CSMD3: variants seen among roughly 807,000 people sequenced by gnomAD.
The protein encoded by CSMD3 is CUB and Sushi multiple domains 3.
In CSMD3, 177 loss-of-function variants were observed where a neutral mutation model predicts 435.2. The ratio of observed to expected loss-of-function variants is 0.41; its 90% CI spans 0.36 to 0.46. CSMD3 has a LOEUF of 0.46. CSMD3 is among the 20% of genes least tolerant of loss of function. The pLI is 0.34. For synonymous variants in CSMD3, 1,656 were observed against 1,520.5 expected (o/e 1.09, Z -2.07); for missense variants, 4,265 against 4,504.6 (o/e 0.95, Z 1.52).
At chr8:112,496,060 C>T (rs1050681615) in intron 30 of CSMD3, among the ~76,000 whole-genome samples, 2 of 151,986 alleles carry the variant, frequency 1.3e-5, no homozygotes, top group Non-Finnish European at 2.9e-5. Context: ...AGCTCCGCCT[C>T]TCCGGTTCAC....
intron 6 of CSMD3, among the ~76,000 whole-genome samples, chr8:112,978,882 CA>C (rs1454690839): frequency 6.6e-6 from 1 of 151,582 alleles, no homozygotes; most frequent in Non-Finnish European, 1.5e-5. Context: ...GAACATTCAT[CA>C]GAAGAAATAA....
At chr8:112,871,757 C>A (rs2081141844) in intron 10 of CSMD3, among the ~76,000 whole-genome samples, 1 of 151,984 alleles carries the variant, frequency 6.6e-6, no homozygotes. Flanking sequence ...TCAAACATAC[C>A]TTCTCTTCCT....
intron 17 of CSMD3, among the ~76,000 whole-genome samples, chr8:112,664,695 A>G (rs905597261): frequency 6.6e-6 from 1 of 152,150 alleles, no homozygotes; most frequent in Non-Finnish European, 1.5e-5. Context: ...GTAAAGTGAG[A>G]TCATATAGAT....
At chr8:113,254,117 T>A (rs2093359385) in intron 3 of CSMD3, among the ~76,000 whole-genome samples, 1 of 152,146 alleles carries the variant, frequency 6.6e-6, no homozygotes, top group African/African-American at 2.4e-5. Flanking sequence ...CTGATCTGAG[T>A]GTCTATAATT....
At chr8:112,875,559 C>G (rs2081259174) in intron 10 of CSMD3, among the ~76,000 whole-genome samples, 1 of 152,152 alleles carries the variant, frequency 6.6e-6, no homozygotes, top group Admixed American at 6.6e-5. Flanking sequence ...GTACAGCAAT[C>G]AAACATAGGT....
chr8:112,989,680 C>T, intron 6 of CSMD3, among the ~76,000 whole-genome samples: 1 of 151,936 alleles, frequency 6.6e-6, no homozygotes, highest in East Asian at 1.9e-4. Context: ...CTATTTCCCA[C>T]CCACTTGGGT....
chr8:112,382,713 G>A (rs1323819759), intron 37 of CSMD3, among the ~76,000 whole-genome samples: 2 of 152,156 alleles, frequency 1.3e-5, no homozygotes, highest in Non-Finnish European at 2.9e-5. Context: ...AATCTGGCTG[G>A]GTGTTGTGGT....
At chr8:112,759,795 A>G (rs776235718) in intron 13 of CSMD3, among the ~76,000 whole-genome samples, 5 of 152,102 alleles carry the variant, frequency 3.3e-5, no homozygotes, top group African/African-American at 1.2e-4. Context: ...TTGTCAGAAT[A>G]TAATCTTGAC....
chr8:112,533,981 C>G (rs539175090), intron 27 of CSMD3, among the ~76,000 whole-genome samples: 2 of 151,810 alleles, frequency 1.3e-5, no homozygotes, highest in Non-Finnish European at 2.9e-5. Flanking sequence ...GTACAAATAA[C>G]ATGGAAATTA....
intron 20 of CSMD3, among the ~76,000 whole-genome samples, chr8:112,644,142 A>G (rs2074913419): frequency 6.6e-6 from 1 of 151,774 alleles, no homozygotes; most frequent in East Asian, 1.9e-4. Context: ...AGATCAACCC[A>G]TGGAGATTTT....
intron 3 of CSMD3, among the ~76,000 whole-genome samples, chr8:113,186,358 A>T (rs932160407): frequency 2.0e-5 from 3 of 151,998 alleles, no homozygotes; most frequent in Non-Finnish European, 4.4e-5. Flanking sequence ...ACTGATGGAA[A>T]AACAACATGT....
chr8:113,187,310 G>A (rs2092520831), intron 3 of CSMD3, among the ~76,000 whole-genome samples: 1 of 151,772 alleles, frequency 6.6e-6, no homozygotes, highest in Non-Finnish European at 1.5e-5. Flanking sequence ...CTGCTACCCT[G>A]AGATCACCAC....
intron 11 of CSMD3, among the ~76,000 whole-genome samples, chr8:112,850,361 T>C (rs1028956892): frequency 6.6e-6 from 1 of 152,172 alleles, no homozygotes; most frequent in South Asian, 2.1e-4. Flanking sequence ...ATGACAAATA[T>C]ACAATATTCT....
At chr8:112,526,975 T>C (rs1825036437) in intron 27 of CSMD3, among the ~76,000 whole-genome samples, 1 of 151,898 alleles carries the variant, frequency 6.6e-6, no homozygotes, top group Admixed American at 6.6e-5. Context: ...AAATGCTTTC[T>C]TTCCTCCCAA....
At chr8:112,315,951 T>A (rs1266042407) in intron 47 of CSMD3, among the ~76,000 whole-genome samples, 1 of 151,844 alleles carries the variant, frequency 6.6e-6, no homozygotes, top group East Asian at 1.9e-4. Context: ...AATAAATAGA[T>A]GAAGAACTTA....
In CSMD3 at chr8:112,445,055, C is replaced by A. The variant is rs544994547; in HGVS notation, c.5395+27536G>T. Among the ~76,000 whole-genome samples the A allele has an allele frequency of 3.9e-4, 59 of 152,054 alleles. 1 individual carries two copies. Among genetic ancestry groups the A allele is most frequent in the Non-Finnish European group, 7.2e-4 (49 of 68,020 alleles). The stretch of plus-strand genomic sequence containing the variant: ...GTCAGAAGTTCAAGACCAGTCTGGG[C>A]AACATGGTGAAACCCCTTCTCTCCT... On this transcript the variant is annotated intron_variant, in intron 32 of 70. Transcript: ENST00000297405.
intron 30 of CSMD3, 27 bp from the exon 31 acceptor site, chr8:112,492,710 A>C: frequency 6.3e-7 from 1 of 1,584,790 alleles, no homozygotes. Flanking sequence ...GTATAACATT[A>C]ATTGCTTTAA....
chr8:112,999,241 T>A (rs1266718367), intron 6 of CSMD3, among the ~76,000 whole-genome samples: 6 of 151,964 alleles, frequency 3.9e-5, no homozygotes, highest in Non-Finnish European at 8.8e-5. Flanking sequence ...AGAAAACAGA[T>A]GCAATTTTAA....
chr8:112,896,360 G>A (rs1295184585), intron 10 of CSMD3, among the ~76,000 whole-genome samples: 1 of 151,424 alleles, frequency 6.6e-6, no homozygotes, highest in Non-Finnish European at 1.5e-5. Flanking sequence ...ATAAAAAGAT[G>A]AGCAATTTCT....
Sources: allele counts gnomAD v4.1 joint callset (sites outside exome capture counted in the v4.1 genomes callset), GRCh38; gene constraint gnomAD v4.1.1; transcripts MANE v1.5; gene names NCBI Gene and HGNC (gene_info 2026-07-23, HGNC 2026-07-21).